The following SLC13A3 variants were observed in gnomAD, a reference collection of about 807,000 sequenced individuals.
SLC13A3 encodes the protein Na(+)/dicarboxylate cotransporter 3.
Under a neutral mutation model 59.0 loss-of-function variants are expected in SLC13A3, and 40 were observed. The ratio of observed to expected loss-of-function variants is 0.68; its 90% confidence interval spans 0.53 to 0.88. The LOEUF (loss-of-function observed/expected upper bound fraction) is 0.88. SLC13A3 is among the 40% of genes least tolerant of loss of function. The probability of loss-of-function intolerance (pLI) is 0.00; values close to 1 mark genes in which losing one functional copy is unlikely to be tolerated. For synonymous variants in SLC13A3, 317 were observed against 330.3 expected (o/e 0.96, Z 0.44); for missense variants, 699 against 783.2 (o/e 0.89, Z 1.28).
In SLC13A3 at chr20:46,600,054, T is replaced by C. The variant is rs372860900; in HGVS notation, c.542-17A>G. The C allele has an allele frequency of 3.2e-6, 5 of 1,552,400 alleles. No individual in the cohort carries two copies. In the South Asian group the frequency reaches 3.6e-5, roughly 11 times the overall value. On this transcript the variant is annotated splice_polypyrimidine_tract_variant and intron_variant, in intron 3 of 12. Coordinates refer to ENST00000279027, the MANE Select transcript of SLC13A3 (RefSeq NM_022829.6). ...GCACAGCAGCTAGGAGGAAAGAGCA[T>C]GATGTCTTTAATGTAATGTAGCGAA... is the stretch of plus-strand genomic sequence containing the variant.
upstream of SLC13A3, chr20:46,651,463 C>A: frequency 1.5e-6 from 2 of 1,377,082 alleles, no homozygotes; most frequent in South Asian, 1.7e-5. Context: ...CGGGACTGCC[C>A]CGCCTGGCCC....
intron 1 of SLC13A3, among the ~76,000 whole-genome samples, chr20:46,683,405 C>T (rs1408267965): frequency 2.6e-5 from 4 of 152,106 alleles, no homozygotes; most frequent in Admixed American, 2.0e-4. Flanking sequence ...TCTTTTACCA[C>T]GTGTACAGTA....
chr20:46,591,649 T>C (rs370772783), intron 6 of SLC13A3, among the ~76,000 whole-genome samples: 33 of 152,288 alleles, frequency 2.2e-4, no homozygotes, highest in African/African-American at 7.7e-4. Flanking sequence ...GACTGAGTGA[T>C]GAGAGTTGAT....
intron 10 of SLC13A3, among the ~76,000 whole-genome samples, chr20:46,568,379 CAGAG>C (rs1291982086): frequency 9.1e-6 from 1 of 110,124 alleles, no homozygotes; most frequent in East Asian, 2.9e-4. Context: ...GTCTGGGTGA[CAGAG>C]AGAGCGAGAC....
At chr20:46,568,148 C>T (rs2061996194) in intron 10 of SLC13A3, among the ~76,000 whole-genome samples, 3 of 151,900 alleles carry the variant, frequency 2.0e-5, no homozygotes, top group African/African-American at 7.3e-5. Flanking sequence ...TAACCCAGCA[C>T]TTTTAGAGGC....
chr20:46,613,758 C>T (rs769788761), intron 1 of SLC13A3, 33 bp from the exon 2 acceptor site: 30 of 1,428,052 alleles, frequency 2.1e-5, no homozygotes, highest in Middle Eastern at 1.9e-4. Context: ...AGAGGGTCAG[C>T]GGGGCTCGGG....
chr20:46,594,034 T>C (rs1358012736), intron 5 of SLC13A3, among the ~76,000 whole-genome samples: 1 of 151,978 alleles, frequency 6.6e-6, no homozygotes, highest in Non-Finnish European at 1.5e-5. Context: ...CAATCACTTC[T>C]CCTCTCCCCA....
At position 46,589,257 on chromosome 20, in the gene SLC13A3, T is replaced by C; in HGVS notation, c.921-2A>G. 1.2e-6 allele frequency: 2 copies of C among 1,613,968 alleles called. No individual in the cohort carries two copies. The highest frequency in any genetic ancestry group is 1.7e-6 in the Non-Finnish European group (2 of 1,179,842). On this transcript the variant is annotated splice_acceptor_variant, in intron 6 of 12. Coordinates refer to ENST00000279027, the MANE Select transcript of SLC13A3 (RefSeq NM_022829.6). LOFTEE classifies it high-confidence loss of function. ...TCAGATTTATTCTTCCTCCAGCCCC[T>C]GAAACAGAAAGTGGGAGATTAGGAG...
Position 46,600,032 on chromosome 20 carries a change from C to T in SLC13A3, c.547G>A (p.Val183Met), listed in dbSNP as rs1486954327. The T allele has an allele frequency of 6.4e-7, 1 of 1,562,060 alleles. No individual in the cohort carries two copies. The highest frequency in any genetic ancestry group is 1.2e-5 in the South Asian group (1 of 84,684). ...ACAGTGTGTAGGCCGTTTCTCCGCACAGCAGCTAGGAGGAAAGAGCATGAT... is the reference window on the plus strand; with the variant it reads ...ACAGTGTGTAGGCCGTTTCTCCGCATAGCAGCTAGGAGGAAAGAGCATGAT... Reference protein sequence around the residue: ...SQESEENTAAVRRNGLHTVPT... With the variant: ...SQESEENTAAMRRNGLHTVPT... The change falls in exon 4 of 13, where the codon GTG becomes ATG. Residue 183 changes from valine (V) to methionine (M), a missense_variant. By Grantham distance (21) the Val-to-Met change is conservative. Coordinates refer to ENST00000279027, the MANE Select transcript of SLC13A3 (RefSeq NM_022829.6).
At chr20:46,589,025 T>A in intron 7 of SLC13A3, 135 bp downstream of exon 7, 1 of 741,010 alleles carries the variant, frequency 1.3e-6, no homozygotes, top group Non-Finnish European at 2.3e-6. Context: ...CCATCCTCCA[T>A]CTCTAGGCTC....
At chr20:46,644,821 T>C (rs954497405) in intron 1 of SLC13A3, among the ~76,000 whole-genome samples, 4 of 152,174 alleles carry the variant, frequency 2.6e-5, no homozygotes, top group Non-Finnish European at 5.9e-5. Flanking sequence ...TTATGGACAA[T>C]TGATGCATCA....
chr20:46,576,033 A>T (rs1473874326), intron 9 of SLC13A3, among the ~76,000 whole-genome samples: 1 of 152,232 alleles, frequency 6.6e-6, no homozygotes, highest in Non-Finnish European at 1.5e-5. Context: ...ACATGTACAG[A>T]GAGGAAAGAA....
chr20:46,599,977 G>C lies in SLC13A3; in HGVS notation c.602C>G (p.Thr201Arg), dbSNP rs770419823. The change falls in exon 4 of 13, where the codon ACA (threonine) becomes AGA (arginine). Residue 201 changes from threonine (T) to arginine (R), a missense_variant. By Grantham distance (71) the Thr-to-Arg change is moderately conservative (BLOSUM62 -1). Transcript: ENST00000279027. ...VPTEMQFLAS[T>R]EAKDHPGETE... Reference sequence around the variant, plus strand: ...AATTTCACCAGTAACTTACGCTTCTGTGCTGGCGAGAAACTGCATCTCCGT... The same window carrying C: ...AATTTCACCAGTAACTTACGCTTCTCTGCTGGCGAGAAACTGCATCTCCGT... The C allele has an allele frequency of 1.9e-6, 3 of 1,571,056 alleles. No homozygotes were observed. In the Admixed American group the frequency reaches 5.1e-5, roughly 27 times the overall value.
intron 5 of SLC13A3, among the ~76,000 whole-genome samples, chr20:46,593,083 A>T (rs1001912005): frequency 3.9e-5 from 6 of 152,208 alleles, no homozygotes; most frequent in African/African-American, 1.4e-4. Flanking sequence ...GGTGATGTCG[A>T]TGAGTTCTTT....
chr20:46,657,788 C>G (rs1204640), intron 1 of SLC13A3, among the ~76,000 whole-genome samples: 109,896 of 152,052 alleles, frequency 0.72, 40,835 homozygotes, highest in African/African-American at 0.91. Context: ...AGAAGGCGAA[C>G]CAGGAGCAGG....
chr20:46,610,847 C>T (rs890222347), intron 2 of SLC13A3, among the ~76,000 whole-genome samples: 2 of 152,094 alleles, frequency 1.3e-5, no homozygotes, highest in Non-Finnish European at 2.9e-5. Context: ...CCAAGCCTGA[C>T]GTTTTCTCTT....
intron 1 of SLC13A3, among the ~76,000 whole-genome samples, chr20:46,617,610 G>A (rs531289670): frequency 1.7e-4 from 7 of 40,316 alleles, no homozygotes; most frequent in East Asian, 1.3e-3. Flanking sequence ...GTGTGTGTGC[G>A]TGTGTGTGTG....
At chr20:46,575,766 C>T in intron 9 of SLC13A3, 81 bp from the exon 10 acceptor site, 1 of 781,272 alleles carries the variant, frequency 1.3e-6, no homozygotes, top group African/African-American at 1.8e-5. Context: ...CCCCATCTTA[C>T]CGGGGACACT....
upstream of SLC13A3, among the ~76,000 whole-genome samples, chr20:46,652,886 A>T (rs1374447855): frequency 6.6e-6 from 1 of 152,194 alleles, no homozygotes. Flanking sequence ...TGAATCATCC[A>T]GTTTCTCCAC....
Sources: gnomAD v4.1 joint callset for allele counts (sites outside exome capture counted in the v4.1 genomes callset) on GRCh38, gnomAD v4.1.1 for gene constraint, MANE v1.5 for transcripts, NCBI Gene and HGNC (gene_info 2026-07-23, HGNC 2026-07-21) for gene names.